Variants in BPIFB6 observed in about 807,000 individuals in gnomAD.
The protein encoded by BPIFB6 is BPI fold-containing family B member 6.
In BPIFB6, 47 loss-of-function variants were observed where a neutral mutation model predicts 54.7. The observed-to-expected ratio is 0.86, with a 90% CI of 0.68 to 1.10. The LOEUF is 1.10. Among genes scored for constraint, BPIFB6 ranks in the 50% least tolerant of loss-of-function variants. BPIFB6 has a pLI of 0.00. For missense variants in BPIFB6, 603 were observed against 564.1 expected (o/e 1.07, Z -0.70); for synonymous variants, 255 against 225.9 (o/e 1.13, Z -1.16).
In BPIFB6 at chr20:33,038,235, G is replaced by A. The variant is rs888258605; in HGVS notation, c.846+497G>A. 5.9e-5 allele frequency among the ~76,000 whole-genome samples: 9 copies of A among 151,734 alleles called. No individual in the cohort carries two copies. In the South Asian group the frequency reaches 8.3e-4, roughly 14 times the overall value. ...CTTTCCTTTATCCATCCTCCTACTC[G>A]TCCACTCATTCAGCCATCCATCCAT... is the stretch of plus-strand genomic sequence containing the variant. On this transcript the variant is annotated intron_variant, in intron 8 of 14. Coordinates refer to ENST00000349552, the MANE Select transcript of BPIFB6 (RefSeq NM_174897.2).
rs368602042 is a variant in BPIFB6, at chr20:33,034,898, T to C, written c.438T>C (p.Thr146=). The C allele has an allele frequency of 1.2e-6, 2 of 1,609,852 alleles. No individual in the cohort carries two copies. The highest frequency in any genetic ancestry group is 1.7e-6 in the Non-Finnish European group (2 of 1,176,542). Residue 146 remains threonine (T), a synonymous_variant, in exon 4 of 15, where the codon ACT becomes ACC. Transcript: ENST00000349552. ...AGGTCATCCTGGTCAATGTGAAGAC[T>C]AACCTGCCTAGCAAGTGAGGGGCTC... ...GCEVILVNVK[T]NLPSNMLPKM...
At chr20:33,032,914 G>C in intron 1 of BPIFB6, 70 bp from the exon 2 acceptor site, 2 of 1,264,688 alleles carry the variant, frequency 1.6e-6, no homozygotes, top group South Asian at 2.5e-5. Context: ...GCACAGTGAC[G>C]GTGAGTGGCC....
chr20:33,042,716 C>A, intron 12 of BPIFB6, 99 bp from the exon 13 acceptor site: 2 of 1,138,562 alleles, frequency 1.8e-6, no homozygotes, highest in Non-Finnish European at 2.6e-6. Flanking sequence ...CTAATATTCA[C>A]TTCTGTGGTC....
rs200862273 is a variant in BPIFB6 at position 33,042,054 on chromosome 20, A to G, written c.1188+39A>G. Reference sequence around the variant, plus strand: ...GTGCTCTTGCCTGTCCGGCGTGAGGACAAGACTGGGCCTATTCTCCCTCGG... The same window carrying G: ...GTGCTCTTGCCTGTCCGGCGTGAGGGCAAGACTGGGCCTATTCTCCCTCGG... On this transcript the variant is annotated intron_variant, in intron 12 of 14. Coordinates refer to ENST00000349552, the MANE Select transcript of BPIFB6 (RefSeq NM_174897.2). 3.1e-5 allele frequency: 50 copies of G among 1,595,576 alleles called. No individual in the cohort carries two copies. The East Asian group carries it at 9.4e-4, about 30-fold the overall frequency.
intron 12 of BPIFB6, among the ~76,000 whole-genome samples, chr20:33,042,227 T>A (rs1057120817): frequency 6.6e-6 from 1 of 152,160 alleles, no homozygotes; most frequent in Non-Finnish European, 1.5e-5. Context: ...AATCTGGACA[T>A]CTCCCTGGAT....
chr20:33,035,271 G>T, intron 5 of BPIFB6, 127 bp downstream of exon 5: 1 of 989,710 alleles, frequency 1.0e-6, no homozygotes, highest in Non-Finnish European at 1.5e-6. Context: ...TTCTGAGACT[G>T]TGGCTGGCTC....
At chr20:33,033,526 G>A (rs544582311) in intron 2 of BPIFB6, 30 of 455,280 alleles carry the variant, frequency 6.6e-5, no homozygotes, top group Non-Finnish European at 1.2e-4. Context: ...CACTTGGGAG[G>A]GCTCTGAGGC....
Position 33,039,456 on chromosome 20 carries a change from C to T in BPIFB6, c.1010C>T (p.Thr337Ile). The T allele has an allele frequency of 1.2e-6, 2 of 1,614,190 alleles. No individual in the cohort carries two copies. The highest frequency in any genetic ancestry group is 1.7e-6 in the Non-Finnish European group (2 of 1,180,024). ...AAGAGCCTGCTGCACCTCCACAGCACCCTGGAGATGTTCGCAGCTCGGTGG... is the reference window on the plus strand; with the variant it reads ...AAGAGCCTGCTGCACCTCCACAGCATCCTGGAGATGTTCGCAGCTCGGTGG... The part of the protein sequence containing the change: ...TGKSLLHLHS[T>I]LEMFAARWRS... Residue 337 changes from threonine to isoleucine, a missense_variant, in exon 10 of 15, where the codon ACC becomes ATC. Transcript: ENST00000349552.
chr20:33,033,979 T>C (rs1355053773), intron 2 of BPIFB6, among the ~76,000 whole-genome samples: 1 of 152,146 alleles, frequency 6.6e-6, no homozygotes, highest in African/African-American at 2.4e-5. Flanking sequence ...ACCTCCCATA[T>C]AATGAGTGCT....
intron 1 of BPIFB6, 47 bp downstream of exon 1, chr20:33,031,791 G>A (rs1183573515): frequency 1.9e-6 from 3 of 1,543,326 alleles, no homozygotes; most frequent in South Asian, 1.1e-5. Context: ...GCGGTGCTTG[G>A]GGTAGGTGGT....
intron 4 of BPIFB6, 68 bp from the exon 5 acceptor site, chr20:33,035,013 A>G (rs767017622): frequency 2.5e-6 from 4 of 1,609,612 alleles, no homozygotes; most frequent in African/African-American, 1.3e-5. Flanking sequence ...ATGCCCCTTC[A>G]TGTCCTGTGC....
rs140545636 is a variant in BPIFB6, at chr20:33,036,646, G to A, written c.669+110G>A. 1,625 of 1,049,536 alleles carry A rather than the reference G, an allele frequency of 1.5e-3. 21 individuals carry two copies. The African/African-American group carries it at 0.023, about 15-fold the overall frequency. The allele number at this position is 1,049,536 out of a possible 1,614,324, so 65.0% of individuals were successfully genotyped here. A position where few individuals can be genotyped will look rare whatever the true frequency, so the allele number is the denominator to read the frequency against. On this transcript the variant is annotated intron_variant, in intron 7 of 14. Transcript: ENST00000349552. ...TGGACTAGGGCTGTGGAGGGAGGGA[G>A]GCCCCTCAAGCCGTGGAGGCCAATG...
intron 14 of BPIFB6, 127 bp downstream of exon 14, chr20:33,043,494 C>T: frequency 1.2e-6 from 1 of 828,760 alleles, no homozygotes; most frequent in South Asian, 1.5e-5. Context: ...TCAATATAAT[C>T]CTGCCCCTCA....
chr20:33,033,829 T>G (rs1473876943), intron 2 of BPIFB6, among the ~76,000 whole-genome samples: 1 of 152,136 alleles, frequency 6.6e-6, no homozygotes, highest in Non-Finnish European at 1.5e-5. Context: ...TGACAAAGAA[T>G]TATCCTGCCC....
At position 33,033,065 on chromosome 20, in the gene BPIFB6, C is replaced by T; in HGVS notation, c.179C>T (p.Pro60Leu). The change falls in exon 2 of 15, where the codon CCT becomes CTT. Residue 60 changes from proline (P) to leucine (L), a missense_variant. By Grantham distance (98) the Pro-to-Leu change is moderately conservative. Transcript: ENST00000349552. Reference sequence around the variant, plus strand: ...GGCAAGAAACAGCCAGGGATGAAACCTATCAAGGGCATCACCAAGTGAGTA... The same window carrying T: ...GGCAAGAAACAGCCAGGGATGAAACTTATCAAGGGCATCACCAAGTGAGTA... ...EAGKKQPGMK[P>L]IKGITNLKVK... 1 of 1,613,766 alleles carries T rather than the reference C, an allele frequency of 6.2e-7. No individual in the cohort carries two copies. Among genetic ancestry groups the T allele is most frequent in the South Asian group, 1.1e-5 (1 of 91,070 alleles).
intron 1 of BPIFB6, 49 bp from the exon 2 acceptor site, chr20:33,032,930 TACCTG>T (rs1416602600): frequency 1.4e-6 from 2 of 1,421,682 alleles, no homozygotes; most frequent in Non-Finnish European, 2.0e-6. Flanking sequence ...TGGCCTGGGA[TACCTG>T]AGTGATTGGC....
At chr20:33,038,828 C>T in intron 8 of BPIFB6, 81 bp from the exon 9 acceptor site, 2 of 1,343,202 alleles carry the variant, frequency 1.5e-6, no homozygotes, top group Non-Finnish European at 2.1e-6. Flanking sequence ...AAAGGGTACA[C>T]CTTGTTAAGT....
chr20:33,035,075 A>C lies in BPIFB6; in HGVS notation c.453-6A>C. ...CCACCTATCCTCGGTGCCTGTGTCC[A>C]TCTAGCATGCTCCCCAAGATGGTCA... On this transcript the variant is annotated splice_polypyrimidine_tract_variant and splice_region_variant and intron_variant, in intron 4 of 14. Coordinates refer to ENST00000349552, the MANE Select transcript of BPIFB6 (RefSeq NM_174897.2). 6.2e-7 allele frequency: 1 copy of C among 1,613,140 alleles called. No homozygotes were observed. Among genetic ancestry groups the C allele is most frequent in the Non-Finnish European group, 8.5e-7 (1 of 1,179,804 alleles).
In BPIFB6 at chr20:33,043,380, G is replaced by T. The variant is rs1979674546; in HGVS notation, c.1329+13G>T. On this transcript the variant is annotated intron_variant, in intron 14 of 14. Transcript: ENST00000349552. ...GGACATAGTAGAGGTGAGAGGAGGG[G>T]CTAGGGGAGGTCATGTCAATCAACA... The T allele has an allele frequency of 5.0e-6, 8 of 1,611,962 alleles. No homozygotes were observed. Among genetic ancestry groups the T allele is most frequent in the Non-Finnish European group, 6.8e-6 (8 of 1,178,068 alleles).
Sources: gnomAD v4.1 joint callset for allele counts (sites outside exome capture counted in the v4.1 genomes callset) on GRCh38, gnomAD v4.1.1 for gene constraint, MANE v1.5 for transcripts, NCBI Gene and HGNC (gene_info 2026-07-23, HGNC 2026-07-21) for gene names.